Variants in ABCB1 observed in about 807,000 individuals in gnomAD.
ABCB1 encodes the protein ATP-dependent translocase ABCB1.
In ABCB1, 69 loss-of-function variants were observed where a neutral mutation model predicts 142.0. That is an observed-to-expected ratio of 0.49 (90% CI 0.40 to 0.59). ABCB1 has a LOEUF of 0.59. Ranked by LOEUF, ABCB1 falls within the 20% of genes least tolerant of loss-of-function variation. ABCB1 has a pLI of 0.00. For synonymous variants in ABCB1, 532 were observed against 539.2 expected (o/e 0.99, Z 0.18); for missense variants, 1,326 against 1,554.7 (o/e 0.85, Z 2.47).
intron 4 of ABCB1, among the ~76,000 whole-genome samples, chr7:87,576,929 T>C (rs1183762380): frequency 6.6e-6 from 1 of 152,084 alleles, no homozygotes; most frequent in East Asian, 1.9e-4. Flanking sequence ...AGTTATACCC[T>C]TTTAGTTATT....
At position 87,531,416 on chromosome 7, in the gene ABCB1, A is replaced by G; in HGVS notation, c.2563T>C (p.Trp855Arg). 1 of 1,613,556 alleles carries G rather than the reference A, an allele frequency of 6.2e-7. No homozygotes were observed. Among genetic ancestry groups the G allele is most frequent in the Non-Finnish European group, 8.5e-7 (1 of 1,179,708 alleles). Residue 855 changes from tryptophan (W) to arginine (R), a missense_variant, in exon 21 of 28, where the codon TGG becomes CGG. Transcript: ENST00000622132. ...GCTAAGAGTAACAGTGTTAGTTGCC[A>G]ACCATAGATGAAGGATATAATTATT... Reference protein sequence around the residue: ...TGIIISFIYGWQLTLLLLAIV... With the variant: ...TGIIISFIYGRQLTLLLLAIV...
chr7:87,659,987 T>C (rs899154917), intron 1 of ABCB1, among the ~76,000 whole-genome samples: 2 of 152,172 alleles, frequency 1.3e-5, no homozygotes, highest in Non-Finnish European at 2.9e-5. Flanking sequence ...TGTTTTAATC[T>C]ACTTTGCCAG....
At chr7:87,673,660 T>G (rs747192709) in intron 1 of ABCB1, among the ~76,000 whole-genome samples, 3 of 152,250 alleles carry the variant, frequency 2.0e-5, no homozygotes, top group Non-Finnish European at 4.4e-5. Context: ...GACATTCTGT[T>G]GAATCTTGAT....
chr7:87,572,117 G>T (rs1818080352), intron 4 of ABCB1, among the ~76,000 whole-genome samples: 1 of 152,180 alleles, frequency 6.6e-6, no homozygotes, highest in South Asian at 2.1e-4. Flanking sequence ...ACATTGAATA[G>T]TCAGGTGAGG....
intron 1 of ABCB1, chr7:87,710,584 C>A: frequency 6.3e-7 from 1 of 1,581,774 alleles, no homozygotes; most frequent in South Asian, 1.2e-5. Flanking sequence ...GAGCCTGGAT[C>A]AGAGTAGCAC....
rs369163505 is a variant in ABCB1, at chr7:87,553,946, C to T, written c.828-14G>A. 1.9e-6 allele frequency: 3 copies of T among 1,597,112 alleles called. No homozygotes were observed. In the African/African-American group the frequency reaches 4.0e-5, roughly 21 times the overall value. The stretch of plus-strand genomic sequence containing the variant: ...TTTTTGTTGTACCTGAGAAAAAGAA[C>T]AAAAATGATCACATATACATTTTAT... On this transcript the variant is annotated splice_polypyrimidine_tract_variant and intron_variant, in intron 8 of 27. Coordinates refer to ENST00000622132, the MANE Select transcript of ABCB1 (RefSeq NM_001348946.2).
intron 25 of ABCB1, among the ~76,000 whole-genome samples, chr7:87,514,546 T>C (rs1815150339): frequency 6.6e-6 from 1 of 152,190 alleles, no homozygotes; most frequent in Non-Finnish European, 1.5e-5. Context: ...TCTCCATCAA[T>C]GATTTTGTCT....
chr7:87,549,304 C>T, intron 14 of ABCB1, 44 bp downstream of exon 14: 1 of 1,612,930 alleles, frequency 6.2e-7, no homozygotes, highest in Non-Finnish European at 8.5e-7. Context: ...GTAGAATGTT[C>T]TTATGCTTAT....
At chr7:87,541,712 G>A (rs1416173551) in intron 17 of ABCB1, among the ~76,000 whole-genome samples, 1 of 152,200 alleles carries the variant, frequency 6.6e-6, no homozygotes, top group Non-Finnish European at 1.5e-5. Context: ...TTGGAGTCAT[G>A]AGTGCCACCT....
At chr7:87,577,678 G>A (rs1175606122) in intron 4 of ABCB1, among the ~76,000 whole-genome samples, 1 of 152,174 alleles carries the variant, frequency 6.6e-6, no homozygotes, top group African/African-American at 2.4e-5. Context: ...GATGATCAAT[G>A]ATGTTGAGCA....
rs1203320017 is a variant in ABCB1, at chr7:87,553,855, G to C, written c.905C>G (p.Ala302Gly). 1 of 1,614,012 alleles carries C rather than the reference G, an allele frequency of 6.2e-7. No homozygotes were observed. The highest frequency in any genetic ancestry group is 2.2e-5 in the East Asian group (1 of 44,870). ...AITANISIGA[A>G]FLLIYASYAL... ...ATAAGATGCATAGATCAGCAGGAAA[G>C]CAGCACCTATAGAAATATTGGCTGT... is the stretch of plus-strand genomic sequence containing the variant. Residue 302 changes from alanine (A) to glycine (G), a missense_variant, in exon 9 of 28, where the codon GCT (alanine) becomes GGT (glycine). Coordinates refer to ENST00000622132, the MANE Select transcript of ABCB1 (RefSeq NM_001348946.2).
chr7:87,565,838 C>T (rs1817764145), intron 7 of ABCB1, among the ~76,000 whole-genome samples: 1 of 151,680 alleles, frequency 6.6e-6, no homozygotes, highest in African/African-American at 2.4e-5. Context: ...GAGCTACATT[C>T]TTCTTTCTCA....
At position 87,505,942 on chromosome 7, in the gene ABCB1, C is replaced by G; in HGVS notation, c.3591G>C (p.Leu1197Phe). 6.2e-7 allele frequency: 1 copy of G among 1,614,132 alleles called. No homozygotes were observed. The highest frequency in any genetic ancestry group is 8.5e-7 in the Non-Finnish European group (1 of 1,180,022). Residue 1197 changes from leucine to phenylalanine, a missense_variant, in exon 27 of 28, where the codon TTG (leucine) becomes TTC (phenylalanine). Physicochemically the swap from Leu to Phe is conservative, Grantham distance 22 (BLOSUM62 0). Coordinates refer to ENST00000622132, the MANE Select transcript of ABCB1 (RefSeq NM_001348946.2). ...ARALVRQPHI[L>F]LLDEATSALD... ...GAGCTGACGTGGCTTCATCCAAAAG[C>G]AAAATATGAGGCTGTCTAACAAGGG...
At chr7:87,635,168 T>C (rs1043041364) in intron 1 of ABCB1, among the ~76,000 whole-genome samples, 3 of 152,192 alleles carry the variant, frequency 2.0e-5, no homozygotes, top group Non-Finnish European at 4.4e-5. Context: ...TACAGGTTTA[T>C]AAAATATATC....
chr7:87,683,013 C>T (rs1827079004), intron 1 of ABCB1, among the ~76,000 whole-genome samples: 1 of 152,220 alleles, frequency 6.6e-6, no homozygotes, highest in Non-Finnish European at 1.5e-5. Flanking sequence ...TAAGTTAGCA[C>T]AACTTCTCCA....
At chr7:87,567,310 G>T (rs989226241) in intron 5 of ABCB1, among the ~76,000 whole-genome samples, 3 of 152,200 alleles carry the variant, frequency 2.0e-5, no homozygotes, top group African/African-American at 7.2e-5. Flanking sequence ...AATATACTTG[G>T]ACCAGTGCCC....
At chr7:87,536,062 A>C (rs1330617187) in intron 20 of ABCB1, among the ~76,000 whole-genome samples, 1 of 152,166 alleles carries the variant, frequency 6.6e-6, no homozygotes, top group African/African-American at 2.4e-5. Flanking sequence ...TTCAACCTAT[A>C]TTTTAGAGGA....
chr7:87,596,610 TG>T (rs28381814), intron 2 of ABCB1, among the ~76,000 whole-genome samples: 2,187 of 152,210 alleles, frequency 0.014, 55 homozygotes, highest in African/African-American at 0.05. Flanking sequence ...TCTGTATTTT[TG>T]TAGGTATAAA....
chr7:87,699,046 G>A (rs563031278), intron 1 of ABCB1, among the ~76,000 whole-genome samples: 1 of 152,192 alleles, frequency 6.6e-6, no homozygotes, highest in East Asian at 1.9e-4. Flanking sequence ...GGCTAGACAT[G>A]AGTATTTTTT....
Sources: gnomAD v4.1 joint callset for allele counts (sites outside exome capture counted in the v4.1 genomes callset) on GRCh38, gnomAD v4.1.1 for gene constraint, MANE v1.5 for transcripts, NCBI Gene and HGNC (gene_info 2026-07-23, HGNC 2026-07-21) for gene names.